Variants in ZNF81 observed in about 807,000 individuals in gnomAD.
ZNF81 encodes zinc finger protein 81 (HFZ20).
In ZNF81, 5 loss-of-function variants were observed where a neutral mutation model predicts 32.3. The observed-to-expected ratio is 0.15, with a 90% CI of 0.08 to 0.33. The LOEUF (loss-of-function observed/expected upper bound fraction) is 0.33. ZNF81 is among the 10% of genes least tolerant of loss of function. The probability of loss-of-function intolerance (pLI) is 1.00; values close to 1 mark genes in which losing one functional copy is unlikely to be tolerated. For synonymous variants in ZNF81, 163 were observed against 166.8 expected (o/e 0.98, Z 0.17); for missense variants, 379 against 479.8 (o/e 0.79, Z 1.96).
chrX:47,840,127 C>CT (rs34211141), intron 1 of ZNF81, among the ~76,000 whole-genome samples: 1,157 of 82,783 alleles, frequency 0.014, 19 homozygotes, highest in African/African-American at 0.046. Context: ...TCTTCTCTCT[C>CT]TTTTTTTTTT....
At chrX:47,841,184 C>T (rs1278446216) in intron 1 of ZNF81, 2 of 767,519 alleles carry the variant, frequency 2.6e-6, no homozygotes, top group East Asian at 6.3e-5. Context: ...AGGTGCTCCT[C>T]AATCACTGTA....
intron 2 of ZNF81, among the ~76,000 whole-genome samples, chrX:47,854,034 T>C (rs5905634): frequency 0.4 from 45,001 of 111,892 alleles, 7,106 homozygotes; most frequent in East Asian, 0.61. Context: ...TTGTTTAGTG[T>C]AGCCATCTTC....
intron 2 of ZNF81, among the ~76,000 whole-genome samples, chrX:47,866,462 G>C (rs1407063091): frequency 8.9e-6 from 1 of 112,058 alleles, no homozygotes; most frequent in Non-Finnish European, 1.9e-5. Flanking sequence ...TAGCCGGGCG[G>C]ATTCATGTTC....
At chrX:47,853,125 A>C (rs1233452578) in intron 2 of ZNF81, among the ~76,000 whole-genome samples, 5 of 111,416 alleles carry the variant, frequency 4.5e-5, no homozygotes, top group Non-Finnish European at 7.5e-5. Flanking sequence ...TAAAATATTC[A>C]GTAAACTATG....
Position 47,920,777 on chromosome X carries a change from A to G in ZNF81, c.*4145A>G, listed in dbSNP as rs1380614172. 9.0e-6 allele frequency: 1 copy of G among 110,500 alleles called. No individual in the cohort carries two copies. Among genetic ancestry groups the G allele is most frequent in the Non-Finnish European group, 1.9e-5 (1 of 52,851 alleles). The allele number at this position is 110,500 out of a possible 1,213,427, so 9.1% of individuals were successfully genotyped here. ...CACTCAGTGGATGACTATGGAGAAG[A>G]GCCTGCAAGCAGAGACCAACTACCC... On this transcript the variant is annotated 3_prime_UTR_variant, in exon 5 of 5. Transcript: ENST00000338637.
At chrX:47,861,879 T>G (rs2058541827) in intron 2 of ZNF81, among the ~76,000 whole-genome samples, 1 of 112,297 alleles carries the variant, frequency 8.9e-6, no homozygotes, top group South Asian at 3.7e-4. Flanking sequence ...ATAACGACCT[T>G]GGACAGCAAG....
In ZNF81 at chrX:47,846,153, G is replaced by A; in HGVS notation, c.-115G>A. On this transcript the variant is annotated 5_prime_UTR_variant, in exon 2 of 5. Transcript: ENST00000338637. ...CCCTGGGCCAGATCTCACAGTGAAA[G>A]CTGCAGGATCTTCCTTCTGACCCCA... The A allele has an allele frequency of 1.1e-6, 1 of 888,378 alleles. No homozygotes were observed. The highest frequency in any genetic ancestry group is 1.6e-6 in the Non-Finnish European group (1 of 622,313). The allele number at this position is 888,378 out of a possible 1,213,427, so 73.2% of individuals were successfully genotyped here. A position where few individuals can be genotyped will look rare whatever the true frequency, so the allele number is the denominator to read the frequency against.
chrX:47,895,935 G>T lies in ZNF81; in HGVS notation c.272G>T (p.Cys91Phe). The change falls in exon 4 of 5, where the codon TGT (cysteine) becomes TTT (phenylalanine). Residue 91 changes from cysteine to phenylalanine, a missense_variant. This residue lies in a region of ZNF81 where 277 missense variants were observed against 306.6 expected (regional missense o/e 0.90). Transcript: ENST00000338637. Reference protein sequence around the residue: ...TLEGEAPHQSCSDGKFGIKPS... With the variant: ...TLEGEAPHQSFSDGKFGIKPS... Reference sequence around the variant, plus strand: ...GAAGGGGAAGCCCCACATCAGAGCTGTTCAGGTGAGTGGGTGTGACCCAGG... The same window carrying T: ...GAAGGGGAAGCCCCACATCAGAGCTTTTCAGGTGAGTGGGTGTGACCCAGG... 1 of 1,199,234 alleles carries T rather than the reference G, an allele frequency of 8.3e-7. No individual in the cohort carries two copies. Among genetic ancestry groups the T allele is most frequent in the Non-Finnish European group, 1.1e-6 (1 of 884,292 alleles).
chrX:47,854,386 C>T (rs2058507560), intron 2 of ZNF81, among the ~76,000 whole-genome samples: 1 of 112,486 alleles, frequency 8.9e-6, no homozygotes, highest in African/African-American at 3.2e-5. Context: ...CATGTGTTCA[C>T]TGGAGTAGGA....
In ZNF81 at chrX:47,837,366, A is replaced by G. The variant is rs1348398307; in HGVS notation, c.-164+379A>G. On this transcript the variant is annotated intron_variant, in intron 1 of 4. Coordinates refer to ENST00000338637, the MANE Select transcript of ZNF81 (RefSeq NM_007137.5). ...CGTGGTGAATTTTTAGAAACGTTCTATATATAACTTGAAAATAATATTTAA... is the reference window on the plus strand; with the variant it reads ...CGTGGTGAATTTTTAGAAACGTTCTGTATATAACTTGAAAATAATATTTAA... Among the ~76,000 whole-genome samples, 11 of 112,046 alleles carry G rather than the reference A, an allele frequency of 9.8e-5. No homozygotes were observed. The Admixed American group carries it at 1.0e-3, about 11-fold the overall frequency.
At position 47,890,608 on chromosome X, in the gene ZNF81, T is replaced by C. The variant is rs186882698; in HGVS notation, c.181+2483T>C. ...CCATTGGATCTGCTGGATCATATGG[T>C]CCAAGCAGCAGAGCAGCTTGCACAG... On this transcript the variant is annotated intron_variant, in intron 3 of 4. Coordinates refer to ENST00000338637, the MANE Select transcript of ZNF81 (RefSeq NM_007137.5). Among the ~76,000 whole-genome samples, 5 of 111,819 alleles carry C rather than the reference T, an allele frequency of 4.5e-5. No homozygotes were observed. The East Asian group carries it at 1.1e-3, about 25-fold the overall frequency.
chrX:47,867,596 T>C, intron 2 of ZNF81, among the ~76,000 whole-genome samples: 1 of 112,207 alleles, frequency 8.9e-6, no homozygotes, highest in Middle Eastern at 4.6e-3. Context: ...AAAATTACCA[T>C]AGGATGAATT....
At chrX:47,911,438 C>T (rs1173658582) in intron 4 of ZNF81, among the ~76,000 whole-genome samples, 1 of 95,060 alleles carries the variant, frequency 1.1e-5, no homozygotes, top group Non-Finnish European at 1.9e-5. Context: ...TTCTGTTTCC[C>T]CATGTCCCAG....
At chrX:47,840,259 A>T (rs1168717477) in intron 1 of ZNF81, among the ~76,000 whole-genome samples, 1 of 109,202 alleles carries the variant, frequency 9.2e-6, no homozygotes, top group Admixed American at 9.8e-5. Flanking sequence ...GGCTTGGTCG[A>T]CTGCTGCAGG....
chrX:47,854,071 G>A (rs1198138146), intron 2 of ZNF81, among the ~76,000 whole-genome samples: 1 of 112,564 alleles, frequency 8.9e-6, no homozygotes, highest in Non-Finnish European at 1.9e-5. Context: ...AGATCTTCTG[G>A]ATAACTTGCT....
chrX:47,889,875 C>T (rs1259216661), intron 3 of ZNF81, among the ~76,000 whole-genome samples: 1 of 110,567 alleles, frequency 9.0e-6, no homozygotes, highest in East Asian at 2.9e-4. Flanking sequence ...TTCATGAGAA[C>T]AGCACCAAGG....
intron 4 of ZNF81, among the ~76,000 whole-genome samples, chrX:47,901,884 A>G (rs895537610): frequency 4.5e-5 from 5 of 111,172 alleles, no homozygotes; most frequent in African/African-American, 1.6e-4. Flanking sequence ...TAAACTTGCT[A>G]TATTTGCTAG....
At chrX:47,848,427 C>T (rs1351168999) in intron 2 of ZNF81, among the ~76,000 whole-genome samples, 1 of 111,863 alleles carries the variant, frequency 8.9e-6, no homozygotes, top group Non-Finnish European at 1.9e-5. Context: ...TCTTCCAAAT[C>T]TTCTTTTGTG....
rs782402632 is a variant in ZNF81, at chrX:47,924,926, A to G, written c.*8294A>G. On this transcript the variant is annotated 3_prime_UTR_variant, in exon 5 of 5. Coordinates refer to ENST00000338637, the MANE Select transcript of ZNF81 (RefSeq NM_007137.5). ...AAATATTGAAAACACAGTACAACCT[A>G]TATAACATCCATCTAGATTTAACAA... 1.1e-4 allele frequency among the ~76,000 whole-genome samples: 12 copies of G among 111,846 alleles called. No homozygotes were observed. The highest frequency in any genetic ancestry group is 9.5e-5 in the Admixed American group (1 of 10,514).
Sources: allele counts gnomAD v4.1 joint callset (sites outside exome capture counted in the v4.1 genomes callset), GRCh38; gene constraint gnomAD v4.1.1; regional missense constraint gnomAD v4.1.1; transcripts MANE v1.5; gene names NCBI Gene and HGNC (gene_info 2026-07-23, HGNC 2026-07-21).